RASEF: variants seen among roughly 807,000 people sequenced by gnomAD.
RASEF encodes the protein ras and EF-hand domain-containing protein.
RASEF carries 68 observed loss-of-function variants against 90.1 expected under a neutral mutation model. That is an observed-to-expected ratio of 0.75 (90% CI 0.62 to 0.92). The LOEUF is 0.92. Among genes scored for constraint, RASEF ranks in the 40% least tolerant of loss-of-function variants. The pLI is 0.00. For synonymous variants in RASEF, 331 were observed against 345.2 expected (o/e 0.96, Z 0.46); for missense variants, 949 against 937.2 (o/e 1.01, Z -0.16).
the RASEF span, among the ~76,000 whole-genome samples, chr9:83,168,601 C>G: frequency 6.6e-6 from 1 of 152,084 alleles, no homozygotes; most frequent in Non-Finnish European, 1.5e-5. Flanking sequence ...ATAAGGAACT[C>G]TAACAACTCA....
At chr9:83,201,452 A>G in the RASEF span, among the ~76,000 whole-genome samples, 2,118 of 152,292 alleles carry the variant, frequency 0.014, 40 homozygotes, top group African/African-American at 0.047. Flanking sequence ...TGGAGGAGAC[A>G]CTCCCAAATA....
At chr9:83,186,907 T>A in the RASEF span, among the ~76,000 whole-genome samples, 3 of 152,052 alleles carry the variant, frequency 2.0e-5, no homozygotes, top group Non-Finnish European at 4.4e-5. Context: ...CCTTGGCCAA[T>A]TCTTAGAGAT....
the RASEF span, among the ~76,000 whole-genome samples, chr9:83,122,085 A>C: frequency 6.6e-6 from 1 of 152,144 alleles, no homozygotes; most frequent in African/African-American, 2.4e-5. Flanking sequence ...TCAATTATTG[A>C]ATTGGGGGAA....
At chr9:83,077,124 T>C in the RASEF span, among the ~76,000 whole-genome samples, 2 of 152,166 alleles carry the variant, frequency 1.3e-5, no homozygotes, top group Non-Finnish European at 2.9e-5. Flanking sequence ...TCTGTGTTAA[T>C]ACAATGGAAA....
chr9:82,984,880 T>C (rs759087900), intron 16 of RASEF, among the ~76,000 whole-genome samples: 6 of 152,114 alleles, frequency 3.9e-5, no homozygotes, highest in African/African-American at 7.2e-5. Context: ...AAATAAATAA[T>C]TTCATGGTCC....
At chr9:83,170,735 T>C in the RASEF span, among the ~76,000 whole-genome samples, 128 of 152,082 alleles carry the variant, frequency 8.4e-4, no homozygotes, top group Middle Eastern at 6.8e-3. Flanking sequence ...TATTAGCTAG[T>C]ATAGAAACAC....
At chr9:83,139,454 T>A in the RASEF span, among the ~76,000 whole-genome samples, 1 of 152,222 alleles carries the variant, frequency 6.6e-6, no homozygotes, top group Admixed American at 6.5e-5. Context: ...ACATATTTTG[T>A]ATGTTATAGG....
At chr9:83,129,291 C>T in the RASEF span, among the ~76,000 whole-genome samples, 1 of 151,872 alleles carries the variant, frequency 6.6e-6, no homozygotes, top group African/African-American at 2.4e-5. Flanking sequence ...CCTGTGGTCC[C>T]AGCCACTTGG....
chr9:83,036,870 T>A lies in RASEF; in HGVS notation c.432-10949A>T, dbSNP rs1028344982. On this transcript the variant is annotated intron_variant, in intron 1 of 16. Coordinates refer to ENST00000376447, the MANE Select transcript of RASEF (RefSeq NM_152573.4). ...GAGTACAGGTTACACGGGAACACTA[T>A]ACCATCTTCGTTTTTTTGTTTTTGT... Among the ~76,000 whole-genome samples, 3 of 152,276 alleles carry A rather than the reference T, an allele frequency of 2.0e-5. No individual in the cohort carries two copies. In the East Asian group the frequency reaches 5.8e-4, roughly 29 times the overall value.
rs114532509 is a variant in RASEF, at chr9:83,027,813, T to C, written c.432-1892A>G. On this transcript the variant is annotated intron_variant, in intron 1 of 16. Transcript: ENST00000376447. The stretch of plus-strand genomic sequence containing the variant: ...GCCTGTGTAACTCATCTGCTATGGA[T>C]GGATGCTATAGCCAGGTGTAGACTT... 7.2e-3 allele frequency among the ~76,000 whole-genome samples: 1,098 copies of C among 152,278 alleles called. 13 individuals are homozygous for C. Among genetic ancestry groups the C allele is most frequent in the African/African-American group, 0.025 (1,039 of 41,552 alleles).
At chr9:83,182,182 T>TA in the RASEF span, among the ~76,000 whole-genome samples, 2 of 152,176 alleles carry the variant, frequency 1.3e-5, no homozygotes, top group East Asian at 3.9e-4. Flanking sequence ...CCTCTCACTA[T>TA]AAAAAATGCC....
At chr9:83,185,900 G>C in the RASEF span, among the ~76,000 whole-genome samples, 1 of 152,224 alleles carries the variant, frequency 6.6e-6, no homozygotes, top group East Asian at 1.9e-4. Context: ...CCAGTTAAAT[G>C]CTGGGGTGCA....
At chr9:83,036,894 G>GT (rs369130703) in intron 1 of RASEF, among the ~76,000 whole-genome samples, 33 of 150,072 alleles carry the variant, frequency 2.2e-4, no homozygotes, top group Middle Eastern at 6.8e-3. Context: ...TTTTGTTTTT[G>GT]TTTTTTTTTA....
intron 15 of RASEF, among the ~76,000 whole-genome samples, chr9:82,991,225 G>A (rs951335256): frequency 4.6e-5 from 7 of 152,088 alleles, no homozygotes; most frequent in African/African-American, 1.7e-4. Context: ...CATCACCTAG[G>A]TTCCCTCCAC....
At chr9:83,152,792 CCTA>C in the RASEF span, among the ~76,000 whole-genome samples, 4 of 152,002 alleles carry the variant, frequency 2.6e-5, no homozygotes, top group Non-Finnish European at 4.4e-5. Flanking sequence ...CAACTCATAA[CCTA>C]CTTATTTATT....
intron 1 of RASEF, among the ~76,000 whole-genome samples, chr9:83,061,897 A>G (rs1830207041): frequency 6.6e-6 from 1 of 152,230 alleles, no homozygotes; most frequent in African/African-American, 2.4e-5. Flanking sequence ...ATGTTATGAA[A>G]ATTAAATGCG....
At position 83,003,804 on chromosome 9, in the gene RASEF, G is replaced by A. The variant is rs115986386; in HGVS notation, c.1202+694C>T. ...GAAAGTCACAAAGAAATAGAGAGTC[G>A]GAAACTTTTTGTTTATGCTTTCACT... On this transcript the variant is annotated intron_variant, in intron 9 of 16. Transcript: ENST00000376447. Among the ~76,000 whole-genome samples, 746 of 152,160 alleles carry A rather than the reference G, an allele frequency of 4.9e-3. 6 individuals are homozygous for A. Among genetic ancestry groups the A allele is most frequent in the African/African-American group, 0.017 (704 of 41,534 alleles).
intron 3 of RASEF, among the ~76,000 whole-genome samples, chr9:83,019,610 A>G (rs1829406462): frequency 6.6e-6 from 1 of 152,242 alleles, no homozygotes; most frequent in South Asian, 2.1e-4. Context: ...ATATGCCTCT[A>G]TAAAGACTTG....
the RASEF span, among the ~76,000 whole-genome samples, chr9:83,138,970 T>C: frequency 2.4e-4 from 37 of 152,020 alleles, no homozygotes; most frequent in Non-Finnish European, 4.9e-4. Context: ...AGAGCAACCA[T>C]TTGGTTACAG....
Sources: gnomAD v4.1 joint callset for allele counts (sites outside exome capture counted in the v4.1 genomes callset) on GRCh38, gnomAD v4.1.1 for gene constraint, MANE v1.5 for transcripts, NCBI Gene and HGNC (gene_info 2026-07-23, HGNC 2026-07-21) for gene names.